ITPR2: variants seen among roughly 807,000 people sequenced by gnomAD.
ITPR2 encodes the protein inositol 1,4,5-trisphosphate receptor type 2, also known as inositol 1,4,5-trisphosphate-gated calcium channel ITPR2.
ITPR2 carries 207 observed loss-of-function variants against 317.1 expected under a neutral mutation model. The ratio of observed to expected loss-of-function variants is 0.65; its 90% confidence interval spans 0.58 to 0.73. The LOEUF is 0.73. Among genes scored for constraint, ITPR2 ranks in the 30% least tolerant of loss-of-function variants. The probability of loss-of-function intolerance (pLI) is 0.00; values close to 1 mark genes in which losing one functional copy is unlikely to be tolerated. For missense variants in ITPR2, 2,613 were observed against 3,284.0 expected, an observed-to-expected ratio of 0.80 and a Z score of 4.99; for synonymous variants, 1,156 against 1,149.1, an observed-to-expected ratio of 1.01 and a Z score of -0.12.
At chr12:26,824,920 G>T (rs774200545) in intron 1 of ITPR2, among the ~76,000 whole-genome samples, 2 of 152,060 alleles carry the variant, frequency 1.3e-5, no homozygotes, top group African/African-American at 2.4e-5. Context: ...CATTCAAAAG[G>T]CACAGTTTTA....
chr12:26,800,733 T>C (rs1246049587), intron 1 of ITPR2: 1 of 152,218 alleles, frequency 6.6e-6, no homozygotes, highest in Non-Finnish European at 1.5e-5. Flanking sequence ...TAATAATTTC[T>C]TGGAATGAAG....
intron 2 of ITPR2, among the ~76,000 whole-genome samples, chr12:26,737,953 CAGAG>C (rs1403144276): frequency 1.3e-5 from 2 of 152,080 alleles, no homozygotes; most frequent in Non-Finnish European, 2.9e-5. Context: ...ATAAGATTAA[CAGAG>C]AGTCAAAGGT....
intron 51 of ITPR2, among the ~76,000 whole-genome samples, chr12:26,412,146 A>G (rs1940571232): frequency 6.6e-6 from 1 of 152,176 alleles, no homozygotes; most frequent in Non-Finnish European, 1.5e-5. Flanking sequence ...TGATGGAGAG[A>G]CAAGGGTAGG....
intron 49 of ITPR2, among the ~76,000 whole-genome samples, chr12:26,424,432 T>C (rs570034039): frequency 2.6e-5 from 4 of 152,290 alleles, no homozygotes; most frequent in African/African-American, 9.6e-5. Flanking sequence ...TGCAAACTTT[T>C]AAGTGTAAAT....
Position 26,832,991 on chromosome 12 carries a change from G to A in ITPR2, c.-210C>T, listed in dbSNP as rs1951143738. ...CAGACCGGGGCCAAGCCGCAGCTGC[G>A]GACACCCCGCGAAGAGCGCAGCCCA... is the stretch of plus-strand genomic sequence containing the variant. On this transcript the variant is annotated 5_prime_UTR_variant, in exon 1 of 57. Transcript: ENST00000381340. 2 of 516,932 alleles carry A rather than the reference G, an allele frequency of 3.9e-6. No individual in the cohort carries two copies. Among genetic ancestry groups the A allele is most frequent in the Non-Finnish European group, 3.3e-6 (1 of 298,802 alleles). The allele number at this position is 516,932 out of a possible 1,614,324, so 32.0% of individuals were successfully genotyped here.
At chr12:26,493,218 G>A (rs1275069324) in intron 39 of ITPR2, among the ~76,000 whole-genome samples, 1 of 152,104 alleles carries the variant, frequency 6.6e-6, no homozygotes, top group Non-Finnish European at 1.5e-5. Context: ...TGCTGCTCGT[G>A]AGGCCTTTAC....
chr12:26,767,876 T>A (rs1949751670), intron 2 of ITPR2, among the ~76,000 whole-genome samples: 1 of 152,268 alleles, frequency 6.6e-6, no homozygotes, highest in Admixed American at 6.5e-5. Context: ...TTATTTATAC[T>A]TATCAATTCG....
intron 55 of ITPR2, among the ~76,000 whole-genome samples, chr12:26,386,947 G>A (rs11614012): frequency 0.28 from 42,313 of 151,646 alleles, 5,953 homozygotes; most frequent in Non-Finnish European, 0.3. Context: ...AAATCAATCC[G>A]AAGTATGTGT....
At chr12:26,474,649 C>T (rs959718660) in intron 45 of ITPR2, among the ~76,000 whole-genome samples, 42 of 151,600 alleles carry the variant, frequency 2.8e-4, no homozygotes, top group Non-Finnish European at 5.7e-4. Context: ...AAAAAATTAG[C>T]CGGGCGTAGT....
chr12:26,645,581 G>T (rs1160980803), intron 21 of ITPR2, among the ~76,000 whole-genome samples: 1 of 152,254 alleles, frequency 6.6e-6, no homozygotes, highest in Non-Finnish European at 1.5e-5. Flanking sequence ...GCCATCTCAA[G>T]AAGAATAAGC....
chr12:26,825,057 C>T (rs1318908150), intron 1 of ITPR2, among the ~76,000 whole-genome samples: 1 of 152,104 alleles, frequency 6.6e-6, no homozygotes, highest in Non-Finnish European at 1.5e-5. Flanking sequence ...CATGGCAACA[C>T]CCTATCTCTA....
chr12:26,360,210 G>C (rs903156748), intron 55 of ITPR2, among the ~76,000 whole-genome samples: 1 of 152,166 alleles, frequency 6.6e-6, no homozygotes, highest in Non-Finnish European at 1.5e-5. Context: ...TTGTTCCAGC[G>C]TATCTGTAGC....
intron 51 of ITPR2, among the ~76,000 whole-genome samples, chr12:26,414,262 T>G (rs1940651044): frequency 6.6e-6 from 1 of 152,186 alleles, no homozygotes; most frequent in African/African-American, 2.4e-5. Flanking sequence ...ACATATATGA[T>G]GTTTCCATTC....
chr12:26,752,904 A>G (rs1178450346), intron 2 of ITPR2, among the ~76,000 whole-genome samples: 1 of 152,134 alleles, frequency 6.6e-6, no homozygotes, highest in East Asian at 1.9e-4. Flanking sequence ...AAGCAACTAT[A>G]GTGCAGAAAC....
chr12:26,380,046 C>A (rs1939459085), intron 55 of ITPR2, among the ~76,000 whole-genome samples: 1 of 152,206 alleles, frequency 6.6e-6, no homozygotes, highest in Admixed American at 6.5e-5. Flanking sequence ...TGCCTTCCCT[C>A]ATTCTTATTC....
intron 45 of ITPR2, among the ~76,000 whole-genome samples, chr12:26,444,270 G>A (rs1941556579): frequency 6.6e-6 from 1 of 152,096 alleles, no homozygotes; most frequent in Non-Finnish European, 1.5e-5. Flanking sequence ...CCATTTGAAT[G>A]TCTACAGCAT....
rs1265979411 is a variant in ITPR2, at chr12:26,565,523, TAGATAGAC to T, written c.4631-3579_4631-3572del. The stretch of plus-strand genomic sequence containing the variant: ...ATAGATAGATAGATAGATAGATAGA[TAGATAGAC>T]AGACAGACAGATAGATAGATAATCT... On this transcript the variant is annotated intron_variant, in intron 34 of 56. Transcript: ENST00000381340. Among the ~76,000 whole-genome samples, 309 of 139,006 alleles carry T rather than the reference TAGATAGAC, an allele frequency of 2.2e-3. 3 individuals are homozygous for T. Among genetic ancestry groups the T allele is most frequent in the Admixed American group, 0.012 (165 of 14,040 alleles). The allele number at this position is 139,006 out of a possible 152,430, so 91.2% of individuals were successfully genotyped here.
chr12:26,425,512 C>CA (rs1263837572), intron 49 of ITPR2, among the ~76,000 whole-genome samples: 9 of 151,744 alleles, frequency 5.9e-5, no homozygotes, highest in South Asian at 4.2e-4. Context: ...ACTAAAAATA[C>CA]AAAAAATTAG....
intron 21 of ITPR2, among the ~76,000 whole-genome samples, chr12:26,650,750 C>T (rs928692116): frequency 1.3e-5 from 2 of 152,114 alleles, no homozygotes; most frequent in Non-Finnish European, 2.9e-5. Context: ...TAACAAGCAG[C>T]TTTAGTATGG....
Sources: allele counts gnomAD v4.1 joint callset (sites outside exome capture counted in the v4.1 genomes callset), GRCh38; gene constraint gnomAD v4.1.1; transcripts MANE v1.5; gene names NCBI Gene and HGNC (gene_info 2026-07-23, HGNC 2026-07-21).